Variants in MSI2 observed in about 807,000 individuals in gnomAD.
The protein encoded by MSI2 is RNA-binding protein Musashi homolog 2.
In MSI2, 17 loss-of-function variants were observed where a neutral mutation model predicts 45.6. The observed-to-expected ratio is 0.37, with a 90% confidence interval of 0.26 to 0.56. MSI2 has a LOEUF of 0.56. Among genes scored for constraint, MSI2 ranks in the 20% least tolerant of loss-of-function variants. The pLI is 0.77. For synonymous variants in MSI2, 156 were observed against 158.2 expected (o/e 0.99, Z 0.11); for missense variants, 293 against 444.2 (o/e 0.66, Z 3.06).
At chr17:57,398,667 C>T (rs533416839) in intron 5 of MSI2, among the ~76,000 whole-genome samples, 1 of 152,336 alleles carries the variant, frequency 6.6e-6, no homozygotes, top group South Asian at 2.1e-4. Context: ...ACACAGTGCC[C>T]TGCTAGACAC....
At chr17:57,669,868 C>T (rs1241320256) in intron 11 of MSI2, among the ~76,000 whole-genome samples, 3 of 152,166 alleles carry the variant, frequency 2.0e-5, no homozygotes, top group African/African-American at 7.2e-5. Flanking sequence ...AGTCTCTCTC[C>T]CGGAAATGTA....
chr17:57,467,329 TGGAAAAAA>T (rs1307579469), intron 6 of MSI2, among the ~76,000 whole-genome samples: 1 of 151,352 alleles, frequency 6.6e-6, no homozygotes, highest in Admixed American at 6.6e-5. Context: ...ATTGGATGGA[TGGAAAAAA>T]GGAAGAAGTG....
In MSI2 at chr17:57,398,945, G is replaced by C. The variant is rs182053148; in HGVS notation, c.313-2434G>C. On this transcript the variant is annotated intron_variant, in intron 5 of 13. Transcript: ENST00000284073. ...GTGGATTACATTCCACATTCTATTAGAATGTAAGCTCCAGCACCTCGCACT... is the reference window on the plus strand; with the variant it reads ...GTGGATTACATTCCACATTCTATTACAATGTAAGCTCCAGCACCTCGCACT... 1.1e-3 allele frequency among the ~76,000 whole-genome samples: 166 copies of C among 151,904 alleles called. 1 individual carries two copies. The highest frequency in any genetic ancestry group is 2.2e-3 in the Admixed American group (34 of 15,234).
intron 6 of MSI2, among the ~76,000 whole-genome samples, chr17:57,514,365 G>A (rs1366940474): frequency 2.6e-5 from 4 of 152,178 alleles, no homozygotes; most frequent in African/African-American, 9.7e-5. Flanking sequence ...GGAAGACAGG[G>A]GTGGACCAGT....
Position 57,552,206 on chromosome 17 carries a change from G to A in MSI2, c.454+22482G>A, listed in dbSNP as rs1327606183. 6.6e-6 allele frequency among the ~76,000 whole-genome samples: 1 copy of A among 152,204 alleles called. No homozygotes were observed. Among genetic ancestry groups the A allele is most frequent in the Non-Finnish European group, 1.5e-5 (1 of 68,034 alleles). ...GCCATCTGGTCGTGAGGTTTTTACT[G>A]CTAACGGGACAGAGTAACGCACATA... On this transcript the variant is annotated intron_variant, in intron 7 of 13. Transcript: ENST00000284073. This position sits in a 1 kb window ranked among gnomAD's most constrained non-coding sequence, Gnocchi z 4.3.
chr17:57,558,236 A>G (rs112213833), intron 7 of MSI2, among the ~76,000 whole-genome samples: 2,097 of 152,298 alleles, frequency 0.014, 43 homozygotes, highest in African/African-American at 0.048. Flanking sequence ...CAGCACTGCC[A>G]TTTCTAGTCA....
chr17:57,421,207 T>C (rs2084388965), intron 6 of MSI2, among the ~76,000 whole-genome samples: 1 of 152,176 alleles, frequency 6.6e-6, no homozygotes. Flanking sequence ...GGTTAATGTG[T>C]TTTGGCTCCA....
At chr17:57,351,113 C>A (rs1254637338) in intron 5 of MSI2, among the ~76,000 whole-genome samples, 1 of 152,126 alleles carries the variant, frequency 6.6e-6, no homozygotes, top group Non-Finnish European at 1.5e-5. Flanking sequence ...CTTCTCTCTT[C>A]CCACCTTCTC....
intron 11 of MSI2, among the ~76,000 whole-genome samples, chr17:57,654,954 G>C (rs1292106223): frequency 6.7e-6 from 1 of 150,156 alleles, no homozygotes; most frequent in Admixed American, 6.6e-5. Context: ...GACTTATAGG[G>C]GAAGCTTCCT....
chr17:57,528,891 A>G (rs2086760922), intron 6 of MSI2, among the ~76,000 whole-genome samples: 1 of 152,210 alleles, frequency 6.6e-6, no homozygotes, highest in Non-Finnish European at 1.5e-5. Context: ...GCCCATAACA[A>G]TCAGGATGTT....
intron 6 of MSI2, among the ~76,000 whole-genome samples, chr17:57,428,321 C>T (rs932568906): frequency 1.3e-5 from 2 of 152,090 alleles, no homozygotes; most frequent in Admixed American, 1.3e-4. Flanking sequence ...TCTCTGGGCT[C>T]AAGCAATCCT....
At chr17:57,643,415 G>A (rs983637027) in intron 10 of MSI2, among the ~76,000 whole-genome samples, 5 of 152,266 alleles carry the variant, frequency 3.3e-5, no homozygotes, top group African/African-American at 4.8e-5. Flanking sequence ...GGGCCCCGCT[G>A]TGGGCAGGCA....
At chr17:57,335,908 G>T (rs1914659267) in intron 5 of MSI2, among the ~76,000 whole-genome samples, 1 of 152,202 alleles carries the variant, frequency 6.6e-6, no homozygotes, top group South Asian at 2.1e-4. Flanking sequence ...AGGAGCTGAG[G>T]CTGGACAGAC....
At chr17:57,446,964 G>A (rs2084911786) in intron 6 of MSI2, among the ~76,000 whole-genome samples, 1 of 152,194 alleles carries the variant, frequency 6.6e-6, no homozygotes, top group African/African-American at 2.4e-5. Context: ...TTTGATGCAA[G>A]GTTGCTATGT....
At chr17:57,511,289 G>A (rs547099932) in intron 6 of MSI2, among the ~76,000 whole-genome samples, 1 of 152,316 alleles carries the variant, frequency 6.6e-6, no homozygotes, top group Admixed American at 6.5e-5. Context: ...ACAAAGGAAG[G>A]CGCATTAATA....
chr17:57,343,833 C>G (rs563121632), intron 5 of MSI2, among the ~76,000 whole-genome samples: 21 of 152,186 alleles, frequency 1.4e-4, no homozygotes, highest in Non-Finnish European at 2.5e-4. Context: ...AATCCTCCCC[C>G]ACCTTTTCCC....
chr17:57,546,125 T>A (rs997359238), intron 7 of MSI2, among the ~76,000 whole-genome samples: 15 of 152,152 alleles, frequency 9.9e-5, no homozygotes, highest in Non-Finnish European at 2.2e-4. Context: ...GAAAATACAA[T>A]CCACCACCAA....
chr17:57,647,940 C>T (rs185446123), intron 10 of MSI2, among the ~76,000 whole-genome samples: 166 of 151,308 alleles, frequency 1.1e-3, no homozygotes, highest in African/African-American at 3.8e-3. Flanking sequence ...CTGCACCTGG[C>T]CAAAGAGTGT....
chr17:57,529,217 C>CTT lies in MSI2; in HGVS notation c.406-458_406-457dup, dbSNP rs2144058793. Among the ~76,000 whole-genome samples, 1 of 152,274 alleles carries CTT rather than the reference C, an allele frequency of 6.6e-6. No homozygotes were observed. The highest frequency in any genetic ancestry group is 1.5e-5 in the Non-Finnish European group (1 of 68,026). On this transcript the variant is annotated intron_variant, in intron 6 of 13. Coordinates refer to ENST00000284073, the MANE Select transcript of MSI2 (RefSeq NM_138962.4). The surrounding 1 kb of genome is among the most constrained non-coding windows in gnomAD (Gnocchi z 5.3). The stretch of plus-strand genomic sequence containing the variant: ...TTGAAAGGCTGCTGCAGGAGGATCA[C>CTT]TTGAGCCCAGGAGTTCAAGACCAGT...
Sources: allele counts gnomAD v4.1 joint callset (sites outside exome capture counted in the v4.1 genomes callset), GRCh38; gene constraint gnomAD v4.1.1; non-coding constraint Gnocchi (gnomAD v3.1); transcripts MANE v1.5; gene names NCBI Gene and HGNC (gene_info 2026-07-23, HGNC 2026-07-21).